Variants in MAGI1 observed in about 807,000 individuals in gnomAD.
MAGI1 encodes membrane-associated guanylate kinase, WW and PDZ domain-containing protein 1.
Under a neutral mutation model 139.9 loss-of-function variants are expected in MAGI1, and 58 were observed. The ratio of observed to expected loss-of-function variants is 0.41; its 90% confidence interval spans 0.34 to 0.52. The LOEUF (loss-of-function observed/expected upper bound fraction) is 0.52, where lower values mean the gene tolerates loss of function less well. Among genes scored for constraint, MAGI1 ranks in the 20% least tolerant of loss-of-function variants. The pLI, the probability that MAGI1 is intolerant of heterozygous loss-of-function variation, is 0.12. For missense variants in MAGI1, 1,874 were observed against 1,901.6 expected, an observed-to-expected ratio of 0.99 and a Z score of 0.27; for synonymous variants, 812 against 737.9, an observed-to-expected ratio of 1.10 and a Z score of -1.63.
chr3:65,628,205 G>A (rs2084089814), intron 1 of MAGI1, among the ~76,000 whole-genome samples: 1 of 151,874 alleles, frequency 6.6e-6, no homozygotes, highest in Admixed American at 6.6e-5. Context: ...AATAGTTTTG[G>A]TGGTCCTGTT....
chr3:65,668,293 G>A (rs1290598287), intron 1 of MAGI1, among the ~76,000 whole-genome samples: 7 of 152,154 alleles, frequency 4.6e-5, no homozygotes, highest in African/African-American at 1.7e-4. Flanking sequence ...AAATAGTTGT[G>A]CACTGGAGTA....
At chr3:65,908,634 T>C (rs890176908) in intron 1 of MAGI1, among the ~76,000 whole-genome samples, 1 of 152,226 alleles carries the variant, frequency 6.6e-6, no homozygotes, top group Non-Finnish European at 1.5e-5. Context: ...CAAATCATCT[T>C]CTATATTTTT....
At chr3:65,775,705 C>T (rs929367732) in intron 1 of MAGI1, among the ~76,000 whole-genome samples, 4 of 151,654 alleles carry the variant, frequency 2.6e-5, no homozygotes, top group Non-Finnish European at 5.9e-5. Flanking sequence ...TTTTCAGAGG[C>T]GGAGGTGGGC....
intron 1 of MAGI1, among the ~76,000 whole-genome samples, chr3:65,979,495 T>C (rs1005023465): frequency 2.0e-5 from 3 of 152,216 alleles, no homozygotes; most frequent in Non-Finnish European, 2.9e-5. Flanking sequence ...GATTAACTTC[T>C]TTGGTGATGT....
intron 1 of MAGI1, among the ~76,000 whole-genome samples, chr3:65,725,786 T>C (rs1465723425): frequency 6.6e-6 from 1 of 152,118 alleles, no homozygotes; most frequent in Admixed American, 6.5e-5. Context: ...TAGCCGATGA[T>C]CAAAGACAAA....
intron 5 of MAGI1, among the ~76,000 whole-genome samples, chr3:65,455,114 CTG>C (rs1446901596): frequency 6.6e-6 from 1 of 152,076 alleles, no homozygotes; most frequent in African/African-American, 2.4e-5. Flanking sequence ...AAGAAAAAAA[CTG>C]TGTTTAAAAC....
intron 2 of MAGI1, among the ~76,000 whole-genome samples, chr3:65,587,568 C>T (rs2081749521): frequency 6.6e-6 from 1 of 150,604 alleles, no homozygotes; most frequent in Non-Finnish European, 1.5e-5. Context: ...ACTGCAACCC[C>T]TACCTCCTGG....
intron 22 of MAGI1, 117 bp from the exon 23 acceptor site, chr3:65,357,249 A>G: frequency 9.3e-7 from 1 of 1,076,422 alleles, no homozygotes; most frequent in South Asian, 1.6e-5. Flanking sequence ...CTGTTAAAGC[A>G]GTCAGACTCA....
At chr3:65,721,812 C>A (rs1404087631) in intron 1 of MAGI1, among the ~76,000 whole-genome samples, 2 of 150,894 alleles carry the variant, frequency 1.3e-5, no homozygotes, top group Non-Finnish European at 3.0e-5. Context: ...ATGGCTGTTT[C>A]TGTTTGTATG....
intron 5 of MAGI1, among the ~76,000 whole-genome samples, chr3:65,460,035 G>C (rs1018446985): frequency 6.6e-6 from 1 of 152,164 alleles, no homozygotes; most frequent in African/African-American, 2.4e-5. Flanking sequence ...TATAACGTTG[G>C]TCATTGGTTT....
intron 2 of MAGI1, among the ~76,000 whole-genome samples, chr3:65,509,758 G>C (rs2077484259): frequency 6.6e-6 from 1 of 152,046 alleles, no homozygotes; most frequent in Non-Finnish European, 1.5e-5. Context: ...GGCTTGCTTA[G>C]GTAAACAAAG....
Position 65,530,624 on chromosome 3 carries a change from GGTGTGTGTGTGTGTGTGT to G in MAGI1, c.431-37011_431-36994del, listed in dbSNP as rs57337916. 6.1e-3 allele frequency among the ~76,000 whole-genome samples: 789 copies of G among 129,274 alleles called. 24 individuals carry two copies. Among genetic ancestry groups the G allele is most frequent in the African/African-American group, 0.024 (744 of 31,256 alleles). 84.8% of individuals were successfully genotyped at this position (129,274 alleles called of 152,430 possible). ...GCAAGACACATACGTATGTGTGTGT[GGTGTGTGTGTGTGTGTGT>G]GTGTGTGTGTGTGTGTGTGTATATA... On this transcript the variant is annotated intron_variant, in intron 2 of 22. Transcript: ENST00000402939.
intron 1 of MAGI1, among the ~76,000 whole-genome samples, chr3:65,790,982 G>T (rs264088): frequency 1.3e-5 from 2 of 152,166 alleles, no homozygotes; most frequent in Middle Eastern, 3.4e-3. Context: ...GGTTGAGACA[G>T]GAGAATCACT....
At chr3:65,605,187 C>T (rs927433760) in intron 2 of MAGI1, among the ~76,000 whole-genome samples, 1 of 152,218 alleles carries the variant, frequency 6.6e-6, no homozygotes, top group African/African-American at 2.4e-5. Flanking sequence ...ACCTGTTTTA[C>T]AAGACCACAT....
intron 12 of MAGI1, among the ~76,000 whole-genome samples, chr3:65,405,010 T>C (rs1945221505): frequency 6.6e-6 from 1 of 152,124 alleles, no homozygotes; most frequent in Non-Finnish European, 1.5e-5. Flanking sequence ...GTCTGGTCCA[T>C]TCAGGGTAAG....
At chr3:65,738,903 C>T (rs2035019950) in intron 1 of MAGI1, among the ~76,000 whole-genome samples, 1 of 152,204 alleles carries the variant, frequency 6.6e-6, no homozygotes, top group Non-Finnish European at 1.5e-5. Flanking sequence ...TTAGCACCCT[C>T]TTTAAGGCCC....
In MAGI1 at chr3:65,862,187, G is replaced by A. The variant is rs1347383884; in HGVS notation, c.313+175809C>T. Among the ~76,000 whole-genome samples, 9 of 152,268 alleles carry A rather than the reference G, an allele frequency of 5.9e-5. No homozygotes were observed. In the East Asian group the frequency reaches 1.4e-3, roughly 23 times the overall value. ...CATTCATTAGAGGTTAAGAGCTCAC[G>A]CGCTGGACTAAGACTAGCCAGGGTC... is the stretch of plus-strand genomic sequence containing the variant. On this transcript the variant is annotated intron_variant, in intron 1 of 22. Coordinates refer to ENST00000402939, the MANE Select transcript of MAGI1 (RefSeq NM_001033057.2).
intron 22 of MAGI1, chr3:65,358,954 C>T (rs778422486): frequency 2.9e-5 from 28 of 972,170 alleles, no homozygotes; most frequent in East Asian, 9.6e-5. Flanking sequence ...ATTCAAAGAA[C>T]GCAGGGTGCT....
At chr3:65,434,911 G>A (rs1159944720) in intron 10 of MAGI1, among the ~76,000 whole-genome samples, 1 of 152,214 alleles carries the variant, frequency 6.6e-6, no homozygotes, top group African/African-American at 2.4e-5. Context: ...GTATTTGGAA[G>A]TGGGGCCTTT....
Sources: allele counts gnomAD v4.1 joint callset (sites outside exome capture counted in the v4.1 genomes callset), GRCh38; gene constraint gnomAD v4.1.1; transcripts MANE v1.5; gene names NCBI Gene and HGNC (gene_info 2026-07-23, HGNC 2026-07-21).